CSMD1: variants seen among roughly 807,000 people sequenced by gnomAD.
The protein encoded by CSMD1 is CUB and Sushi multiple domains 1.
CSMD1 carries 213 observed loss-of-function variants against 417.5 expected under a neutral mutation model. That is an observed-to-expected ratio of 0.51 (90% CI 0.46 to 0.57). The LOEUF (loss-of-function observed/expected upper bound fraction) is 0.57, where lower values mean the gene tolerates loss of function less well. CSMD1 is among the 20% of genes least tolerant of loss of function. The pLI is 0.00. For synonymous variants in CSMD1, 2,862 were observed against 1,736.8 expected (o/e 1.65, Z -16.11); for missense variants, 6,923 against 4,529.7 (o/e 1.53, Z -15.17).
intron 5 of CSMD1, among the ~76,000 whole-genome samples, chr8:3,918,363 T>C (rs902638899): frequency 6.6e-6 from 1 of 152,060 alleles, no homozygotes; most frequent in African/African-American, 2.4e-5. Flanking sequence ...CATCAACACA[T>C]ATATTTTTAT....
intron 5 of CSMD1, among the ~76,000 whole-genome samples, chr8:3,920,514 T>C (rs1229199129): frequency 6.6e-6 from 1 of 152,182 alleles, no homozygotes; most frequent in African/African-American, 2.4e-5. Context: ...TTCAGTACTA[T>C]ATTAAGTACG....
rs757020024 is a variant in CSMD1, at chr8:4,637,382, C to T, written c.262G>A (p.Val88Ile). The T allele has an allele frequency of 3.1e-6, 5 of 1,613,968 alleles. No homozygotes were observed. The South Asian group carries it at 4.4e-5, about 14-fold the overall frequency. Residue 88 changes from valine to isoleucine, a missense_variant, in exon 2 of 70, where the codon GTT becomes ATT. Transcript: ENST00000635120. ...ALEEDFDILS[V>I]YDGQPQQGNL... ...CCTTGTTGAGGCTGTCCATCGTAAA[C>T]TGATAAAATATCAAAATCTTCTTCA...
intron 3 of CSMD1, among the ~76,000 whole-genome samples, chr8:4,083,100 C>G (rs908184450): frequency 1.2e-4 from 19 of 152,030 alleles, no homozygotes; most frequent in African/African-American, 4.3e-4. Flanking sequence ...TTTATAGCAG[C>G]ATGATTTATA....
In CSMD1 at chr8:3,118,493, C is replaced by G; in HGVS notation, c.6336G>C (p.Glu2112Asp). ...CTATTAGAATGTACCCAGGATAACA[C>G]TCGAAAGATACTGATTGCCCCACGC... ...DYSVGQSVSF[E>D]CYPGYILIGH... Residue 2112 changes from glutamate (E) to aspartate (D), a missense_variant, in exon 42 of 70, where the codon GAG becomes GAC. Transcript: ENST00000635120. The G allele has an allele frequency of 6.2e-7, 1 of 1,613,926 alleles. No homozygotes were observed.
At chr8:3,924,771 G>T (rs911142692) in intron 5 of CSMD1, among the ~76,000 whole-genome samples, 1 of 141,362 alleles carries the variant, frequency 7.1e-6, no homozygotes. Flanking sequence ...TGTTTTTCTG[G>T]TACTCTTCAA....
chr8:3,235,999 G>C (rs1799132669), intron 26 of CSMD1, among the ~76,000 whole-genome samples: 1 of 142,926 alleles, frequency 7.0e-6, no homozygotes, highest in Non-Finnish European at 1.5e-5. Context: ...CTCACTGCAA[G>C]CTCCGCCTTC....
chr8:3,569,868 T>G (rs1247760342), intron 10 of CSMD1, among the ~76,000 whole-genome samples: 2 of 152,178 alleles, frequency 1.3e-5, no homozygotes, highest in African/African-American at 4.8e-5. Flanking sequence ...CAACCTGGAA[T>G]ACCTTGTTTC....
intron 2 of CSMD1, among the ~76,000 whole-genome samples, chr8:4,580,995 C>T (rs978200707): frequency 6.6e-6 from 1 of 152,170 alleles, no homozygotes; most frequent in Non-Finnish European, 1.5e-5. Flanking sequence ...ATTCCAGTGC[C>T]TCACATGTAA....
At chr8:3,187,818 G>A in intron 36 of CSMD1, 51 bp downstream of exon 36, 5 of 1,323,728 alleles carry the variant, frequency 3.8e-6, no homozygotes, top group Non-Finnish European at 5.4e-6. Context: ...TTGTTTTCTT[G>A]GTGTTTGCAG....
rs866559912 is a variant in CSMD1 at position 3,605,536 on chromosome 8, A to G, written c.1097+11174T>C. ...AACTAGAAATGAGCAGTTGTTTATC[A>G]CAACACATGGGCTATGGATTTGTTT... is the stretch of plus-strand genomic sequence containing the variant. On this transcript the variant is annotated intron_variant, in intron 8 of 69. Transcript: ENST00000635120. Among the ~76,000 whole-genome samples the G allele has an allele frequency of 7.2e-5, 11 of 152,368 alleles. No individual in the cohort carries two copies. The South Asian group carries it at 1.9e-3, about 26-fold the overall frequency.
intron 1 of CSMD1, among the ~76,000 whole-genome samples, chr8:4,969,154 C>G (rs920209175): frequency 6.6e-6 from 1 of 152,048 alleles, no homozygotes; most frequent in Admixed American, 6.6e-5. Flanking sequence ...CTTTATTATA[C>G]CATTATCATG....
chr8:3,496,654 T>A (rs1177261659), intron 10 of CSMD1, among the ~76,000 whole-genome samples: 2 of 152,040 alleles, frequency 1.3e-5, no homozygotes, highest in Admixed American at 6.6e-5. Flanking sequence ...AGTGAAACCC[T>A]GTCTCCACTA....
At chr8:4,962,178 T>C (rs540754215) in intron 1 of CSMD1, among the ~76,000 whole-genome samples, 1 of 143,136 alleles carries the variant, frequency 7.0e-6, no homozygotes, top group Non-Finnish European at 1.5e-5. Flanking sequence ...AATATAAATG[T>C]AAATTTCTGC....
chr8:3,407,837 C>T, intron 14 of CSMD1, 62 bp downstream of exon 14: 1 of 1,424,756 alleles, frequency 7.0e-7, no homozygotes, highest in Non-Finnish European at 9.5e-7. Flanking sequence ...TACATATAAG[C>T]AAAATGGGAA....
chr8:4,524,521 C>T (rs142341548), intron 2 of CSMD1, among the ~76,000 whole-genome samples: 25 of 149,766 alleles, frequency 1.7e-4, no homozygotes, highest in African/African-American at 5.9e-4. Flanking sequence ...AACATGACAG[C>T]AGGGTATGAA....
chr8:3,934,304 G>T (rs1472515093), intron 5 of CSMD1, among the ~76,000 whole-genome samples: 1 of 152,168 alleles, frequency 6.6e-6, no homozygotes, highest in East Asian at 1.9e-4. Flanking sequence ...TGCCTACTAT[G>T]TATAAATGAA....
intron 3 of CSMD1, among the ~76,000 whole-genome samples, chr8:4,388,450 G>A (rs1035298823): frequency 1.3e-5 from 2 of 151,758 alleles, no homozygotes; most frequent in East Asian, 3.9e-4. Context: ...AAGTAACTCA[G>A]GAATGAAAAA....
In CSMD1 at chr8:4,681,976, G is replaced by A. The variant is rs77410593; in HGVS notation, c.86-44418C>T. ...GCTTTCTTGTGTTTCTGTGGAAAGCGTTATTAATACGCTTGAAAGGTTTAT... is the reference window on the plus strand; with the variant it reads ...GCTTTCTTGTGTTTCTGTGGAAAGCATTATTAATACGCTTGAAAGGTTTAT... On this transcript the variant is annotated intron_variant, in intron 1 of 69. Coordinates refer to ENST00000635120, the MANE Select transcript of CSMD1 (RefSeq NM_033225.6). Among the ~76,000 whole-genome samples, 1,945 of 152,220 alleles carry A rather than the reference G, an allele frequency of 0.013. 71 individuals are homozygous for A. In the East Asian group the frequency reaches 0.15, roughly 12 times the overall value.
chr8:3,431,982 C>A (rs80023176), intron 12 of CSMD1, among the ~76,000 whole-genome samples: 1 of 152,140 alleles, frequency 6.6e-6, no homozygotes, highest in Non-Finnish European at 1.5e-5. Flanking sequence ...ATCACAGACT[C>A]GAATGTGATC....
Sources: allele counts gnomAD v4.1 joint callset (sites outside exome capture counted in the v4.1 genomes callset), GRCh38; gene constraint gnomAD v4.1.1; transcripts MANE v1.5; gene names NCBI Gene and HGNC (gene_info 2026-07-23, HGNC 2026-07-21).